CELF6: variants seen among roughly 807,000 people sequenced by gnomAD.
The protein encoded by CELF6 is CUGBP Elav-like family member 6.
In CELF6, 32 loss-of-function variants were observed where a neutral mutation model predicts 53.1. That is an observed-to-expected ratio of 0.60 (90% CI 0.46 to 0.81). The LOEUF is 0.81. CELF6 is among the 30% of genes least tolerant of loss of function. The pLI is 0.00. For missense variants in CELF6, 539 were observed against 669.5 expected (o/e 0.81, Z 2.15); for synonymous variants, 291 against 288.8 (o/e 1.01, Z -0.08).
rs775512638 is a variant in CELF6 at position 72,300,361 on chromosome 15, T to TA, written c.394+4384dup. Among the ~76,000 whole-genome samples the TA allele has an allele frequency of 7.5e-3, 814 of 108,856 alleles. 6 individuals carry two copies. The highest frequency in any genetic ancestry group is 9.5e-3 in the African/African-American group (274 of 28,990). The allele number at this position is 108,856 out of a possible 152,430, so 71.4% of individuals were successfully genotyped here. The stretch of plus-strand genomic sequence containing the variant: ...GGGCAACAGAGTGAAACACTGTCTC[T>TA]AAAAAAAAAAAAAAAAGTAAATAAA... On this transcript the variant is annotated intron_variant, in intron 3 of 12. Coordinates refer to ENST00000287202, the MANE Select transcript of CELF6 (RefSeq NM_052840.5).
At chr15:72,307,663 C>G (rs921490198) in intron 2 of CELF6, among the ~76,000 whole-genome samples, 1 of 152,222 alleles carries the variant, frequency 6.6e-6, no homozygotes, top group Non-Finnish European at 1.5e-5. Context: ...CCAGATCTGT[C>G]TGAGGCTGAA....
intron 2 of CELF6, 114 bp downstream of exon 2, chr15:72,315,731 G>T: frequency 3.2e-6 from 2 of 618,288 alleles, no homozygotes; most frequent in South Asian, 2.1e-5. Context: ...CTAGAAAGAT[G>T]ACTCTGCTTC....
In CELF6 at chr15:72,319,635, G is replaced by A. The variant is rs1365941100; in HGVS notation, c.240C>T (p.Asp80=). The A allele has an allele frequency of 2.6e-6, 4 of 1,563,114 alleles. No individual in the cohort carries two copies. The highest frequency in any genetic ancestry group is 1.9e-5 in the Admixed American group (1 of 52,308). ...GRIYELTVLK[D]RLTGLHKGCA... is the part of the protein sequence containing the mutation. ...CACCTTTGTGGAGGCCGGTGAGCCG[G>A]TCCTTCAGCACCGTCAGCTCGTAGA... Residue 80 remains aspartate (D), a synonymous_variant, in exon 1 of 13, where the codon GAC becomes GAT. Transcript: ENST00000287202. The surrounding 1 kb of genome is among the most constrained non-coding windows in gnomAD (Gnocchi z 5.0).
intron 2 of CELF6, chr15:72,306,035 G>C (rs942735477): frequency 1.0e-6 from 1 of 967,986 alleles, no homozygotes; most frequent in Non-Finnish European, 1.2e-6. Flanking sequence ...CTTAAGTTGG[G>C]GTATTGCATA....
At position 72,289,559 on chromosome 15, in the gene CELF6, C is replaced by T. The variant is rs2087975062; in HGVS notation, c.748-52G>A. The T allele has an allele frequency of 6.7e-7, 1 of 1,483,040 alleles. No individual in the cohort carries two copies. The highest frequency in any genetic ancestry group is 8.9e-7 in the Non-Finnish European group (1 of 1,121,970). The allele number at this position is 1,483,040 out of a possible 1,614,324, so 91.9% of individuals were successfully genotyped here. ...GGAGGGCCAAGGGGCAGGCAGCTGC[C>T]CGTGCTCTCAGCCCCAGGCCTGGCC... On this transcript the variant is annotated intron_variant, in intron 6 of 12. Coordinates refer to ENST00000287202, the MANE Select transcript of CELF6 (RefSeq NM_052840.5). This position sits in a 1 kb window ranked among gnomAD's most constrained non-coding sequence, Gnocchi z 7.6.
intron 2 of CELF6, chr15:72,313,537 C>A (rs1473360515): frequency 1.3e-5 from 2 of 152,728 alleles, no homozygotes; most frequent in Non-Finnish European, 2.9e-5. Context: ...CCTCCCATTT[C>A]CTTTCAGGGT....
At chr15:72,311,952 G>C (rs1203974013) in intron 2 of CELF6, among the ~76,000 whole-genome samples, 1 of 152,206 alleles carries the variant, frequency 6.6e-6, no homozygotes, top group Non-Finnish European at 1.5e-5. Context: ...TTTGTGCAGG[G>C]CACAACTTGC....
rs529236403 is a variant in CELF6 at position 72,303,535 on chromosome 15, G to T, written c.394+1211C>A. On this transcript the variant is annotated intron_variant, in intron 3 of 12. Coordinates refer to ENST00000287202, the MANE Select transcript of CELF6 (RefSeq NM_052840.5). ...AGACTGAGCATGAAGTCTGAGAGGGGTACAGAATTAGTAGGACTCAATACA... is the reference window on the plus strand; with the variant it reads ...AGACTGAGCATGAAGTCTGAGAGGGTTACAGAATTAGTAGGACTCAATACA... Among the ~76,000 whole-genome samples the T allele has an allele frequency of 7.9e-5, 12 of 152,328 alleles. No individual in the cohort carries two copies. The South Asian group carries it at 2.5e-3, about 32-fold the overall frequency.
intron 2 of CELF6, among the ~76,000 whole-genome samples, chr15:72,311,402 T>G (rs2088294160): frequency 7.1e-6 from 1 of 139,970 alleles, no homozygotes; most frequent in African/African-American, 3.3e-5. Flanking sequence ...GCTCACCTTT[T>G]TTCTTTTTTT....
chr15:72,293,229 G>T lies in CELF6; in HGVS notation c.395-2974C>A, dbSNP rs117122805. Among the ~76,000 whole-genome samples, 816 of 152,208 alleles carry T rather than the reference G, an allele frequency of 5.4e-3. 7 individuals carry two copies. Among genetic ancestry groups the T allele is most frequent in the Non-Finnish European group, 9.1e-3 (620 of 68,004 alleles). On this transcript the variant is annotated intron_variant, in intron 3 of 12. Transcript: ENST00000287202. ...TTGTGTTTGACAGGAGGATAAGCTG[G>T]ATCACAGTGGTCATGAGCCTCAGGT...
In CELF6 at chr15:72,289,410, A is replaced by G; in HGVS notation, c.845T>C (p.Phe282Ser). Residue 282 changes from phenylalanine to serine, a missense_variant, in exon 7 of 13, where the codon TTT becomes TCT. Physicochemically the swap from Phe to Ser is radical, Grantham distance 155. This residue lies in a region of CELF6 where 358 missense variants were observed against 412.8 expected (regional missense o/e 0.87). Transcript: ENST00000287202. The surrounding 1 kb of genome is among the most constrained non-coding windows in gnomAD (Gnocchi z 7.6). ...CAACAGAGGCGCAGCTACCAGGCTA[A>G]AGGCCGCCACGTGTTGCATCTGGGC... ...VAAQMQHVAAFSLVAAPLLPA... is the reference protein window; with the variant it reads ...VAAQMQHVAASSLVAAPLLPA... 2.6e-6 allele frequency: 4 copies of G among 1,555,426 alleles called. No homozygotes were observed. Among genetic ancestry groups the G allele is most frequent in the Non-Finnish European group, 3.5e-6 (4 of 1,158,924 alleles).
At chr15:72,315,950 AG>A (rs1335927651) in intron 1 of CELF6, 23 bp from the exon 2 acceptor site, 12 of 1,555,556 alleles carry the variant, frequency 7.7e-6, no homozygotes, top group African/African-American at 1.4e-5. Flanking sequence ...AGGCTGGCTC[AG>A]GGGGTTTCCT....
At chr15:72,315,715 C>T in intron 2 of CELF6, 130 bp downstream of exon 2, 1 of 568,950 alleles carries the variant, frequency 1.8e-6, no homozygotes. Context: ...TACAGGAAGC[C>T]CTCTCCTAGA....
intron 3 of CELF6, 111 bp downstream of exon 3, chr15:72,304,635 C>T (rs1595782179): frequency 1.1e-6 from 1 of 924,778 alleles, no homozygotes; most frequent in Non-Finnish European, 1.8e-6. Context: ...CCCCACCTGT[C>T]CCCTTGACCC....
Position 72,289,630 on chromosome 15 carries a change from C to T in CELF6, c.744G>A (p.Thr248=). 1.3e-6 allele frequency: 2 copies of T among 1,502,948 alleles called. No individual in the cohort carries two copies. The highest frequency in any genetic ancestry group is 1.8e-6 in the Non-Finnish European group (2 of 1,134,438). 93.1% of individuals were successfully genotyped at this position (1,502,948 alleles called of 1,614,324 possible). A position where few individuals can be genotyped will look rare whatever the true frequency, so the allele number is the denominator to read the frequency against. ...CACGCAGGTGCCCGGTACCTACCGC[C>T]GTGGTGTAGGCGCCGCAGGCCCCTA... ...LPLGACGAYT[T]AILQHQAALL... is the part of the protein sequence containing the mutation. The change falls in exon 6 of 13, where the codon ACG becomes ACA. Residue 248 remains threonine, a synonymous_variant. Transcript: ENST00000287202. This position sits in a 1 kb window ranked among gnomAD's most constrained non-coding sequence, Gnocchi z 7.6.
chr15:72,319,386 A>G lies in CELF6; in HGVS notation c.262+227T>C, dbSNP rs1029403471. Among the ~76,000 whole-genome samples, 1 of 152,080 alleles carries G rather than the reference A, an allele frequency of 6.6e-6. No homozygotes were observed. The highest frequency in any genetic ancestry group is 6.6e-5 in the Admixed American group (1 of 15,266). On this transcript the variant is annotated intron_variant, in intron 1 of 12. Transcript: ENST00000287202. The surrounding 1 kb of genome is among the most constrained non-coding windows in gnomAD (Gnocchi z 5.0). ...TGGGATGTGAGAGGTGGAGGCCAGGAATTTGGAGGTTAGAGTGGAGAACAT... is the reference window on the plus strand; with the variant it reads ...TGGGATGTGAGAGGTGGAGGCCAGGGATTTGGAGGTTAGAGTGGAGAACAT...
intron 3 of CELF6, among the ~76,000 whole-genome samples, chr15:72,302,352 T>C (rs2088169834): frequency 6.6e-6 from 1 of 152,194 alleles, no homozygotes; most frequent in Non-Finnish European, 1.5e-5. Context: ...CCACCACTTG[T>C]CCAGAAATAT....
rs1393469603 is a variant in CELF6 at position 72,288,492 on chromosome 15, G to A, written c.1175-41C>T. The stretch of plus-strand genomic sequence containing the variant: ...CAAGCTGGTTCAGGGGAAGGACCCT[G>A]AGTCCAGCCCCACCAGGTTCTGCTG... On this transcript the variant is annotated intron_variant, in intron 10 of 12. Coordinates refer to ENST00000287202, the MANE Select transcript of CELF6 (RefSeq NM_052840.5). The surrounding 1 kb of genome is among the most constrained non-coding windows in gnomAD (Gnocchi z 4.6). 2 of 1,614,010 alleles carry A rather than the reference G, an allele frequency of 1.2e-6. No individual in the cohort carries two copies. Among genetic ancestry groups the A allele is most frequent in the Non-Finnish European group, 1.7e-6 (2 of 1,179,878 alleles).
chr15:72,316,337 C>T (rs2088364449), intron 1 of CELF6, among the ~76,000 whole-genome samples: 1 of 152,170 alleles, frequency 6.6e-6, no homozygotes, highest in African/African-American at 2.4e-5. Flanking sequence ...GCCTCAATTC[C>T]TTCCCAACTC....
Sources: allele counts gnomAD v4.1 joint callset (sites outside exome capture counted in the v4.1 genomes callset), GRCh38; gene constraint gnomAD v4.1.1; regional missense constraint gnomAD v4.1.1; non-coding constraint Gnocchi (gnomAD v3.1); transcripts MANE v1.5; gene names NCBI Gene and HGNC (gene_info 2026-07-23, HGNC 2026-07-21).